Variants in MAGI2 observed in about 807,000 individuals in gnomAD.
MAGI2 encodes the protein membrane associated guanylate kinase, WW and PDZ domain containing 2, also known as membrane-associated guanylate kinase, WW and PDZ domain-containing protein 2.
In MAGI2, 35 loss-of-function variants were observed where a neutral mutation model predicts 133.3. The ratio of observed to expected loss-of-function variants is 0.26; its 90% CI spans 0.20 to 0.35. MAGI2 has a LOEUF of 0.35. MAGI2 is among the 10% of genes least tolerant of loss of function. The pLI is 1.00. For synonymous variants in MAGI2, 729 were observed against 710.6 expected (o/e 1.03, Z -0.41); for missense variants, 1,636 against 1,863.4 (o/e 0.88, Z 2.25).
chr7:78,044,705 GCAC>G (rs1563046354), intron 21 of MAGI2, among the ~76,000 whole-genome samples: 59 of 89,752 alleles, frequency 6.6e-4, no homozygotes, highest in African/African-American at 2.3e-3. Flanking sequence ...GTGTGTGTGT[GCAC>G]GTGTGCACAC....
chr7:78,130,350 G>T (rs1821438626), intron 18 of MAGI2, among the ~76,000 whole-genome samples: 1 of 152,118 alleles, frequency 6.6e-6, no homozygotes, highest in African/African-American at 2.4e-5. Flanking sequence ...CAAGCAGATT[G>T]TCATTTTATT....
chr7:79,058,100 AG>A (rs147810210), intron 1 of MAGI2, among the ~76,000 whole-genome samples: 4,503 of 152,036 alleles, frequency 0.03, 89 homozygotes, highest in Middle Eastern at 0.051. Flanking sequence ...AGTGGTGGAG[AG>A]GGGGGAAGAA....
At chr7:78,036,710 G>A (rs1810267626) in intron 21 of MAGI2, among the ~76,000 whole-genome samples, 1 of 151,984 alleles carries the variant, frequency 6.6e-6, no homozygotes, top group Non-Finnish European at 1.5e-5. Flanking sequence ...TCAATCTCCT[G>A]GGCTCAAGCA....
At chr7:78,945,769 G>T (rs1457119139) in intron 2 of MAGI2, among the ~76,000 whole-genome samples, 1 of 151,854 alleles carries the variant, frequency 6.6e-6, no homozygotes, top group East Asian at 1.9e-4. Context: ...CTACATCTTT[G>T]CACATACTGT....
intron 10 of MAGI2, among the ~76,000 whole-genome samples, chr7:78,221,446 T>C (rs7795679): frequency 0.14 from 21,750 of 152,126 alleles, 1,911 homozygotes; most frequent in East Asian, 0.32. Flanking sequence ...TAGACTAACT[T>C]TATTGTTTAG....
At chr7:78,740,421 G>A (rs972270710) in intron 2 of MAGI2, among the ~76,000 whole-genome samples, 3 of 152,174 alleles carry the variant, frequency 2.0e-5, no homozygotes, top group Non-Finnish European at 2.9e-5. Flanking sequence ...TAACAGAAAT[G>A]GGATGTGAGT....
At chr7:79,220,138 A>C (rs928876164) in intron 1 of MAGI2, among the ~76,000 whole-genome samples, 1 of 151,956 alleles carries the variant, frequency 6.6e-6, no homozygotes, top group Non-Finnish European at 1.5e-5. Flanking sequence ...CTAAACCAAC[A>C]TATTTACAGC....
chr7:79,280,031 T>A (rs868857146), intron 1 of MAGI2, among the ~76,000 whole-genome samples: 2 of 152,316 alleles, frequency 1.3e-5, no homozygotes, highest in Middle Eastern at 6.8e-3. Flanking sequence ...ATTTATTTTT[T>A]ATTTTTTTAG....
At chr7:79,277,405 A>G (rs1331827945) in intron 1 of MAGI2, among the ~76,000 whole-genome samples, 1 of 152,166 alleles carries the variant, frequency 6.6e-6, no homozygotes, top group African/African-American at 2.4e-5. Flanking sequence ...ACTTTTATAT[A>G]CACCGGGAAA....
chr7:78,751,191 C>G (rs1362556372), intron 2 of MAGI2, among the ~76,000 whole-genome samples: 1 of 152,174 alleles, frequency 6.6e-6, no homozygotes, highest in Admixed American at 6.5e-5. Context: ...ATTACGTCAA[C>G]TTTAATTTCA....
chr7:79,036,506 G>C (rs1431059721), intron 1 of MAGI2, among the ~76,000 whole-genome samples: 1 of 152,130 alleles, frequency 6.6e-6, no homozygotes, highest in East Asian at 1.9e-4. Flanking sequence ...AGTTGGCTGT[G>C]GATAAAGAGG....
intron 2 of MAGI2, among the ~76,000 whole-genome samples, chr7:78,674,731 C>T (rs1814801295): frequency 6.6e-6 from 1 of 151,960 alleles, no homozygotes; most frequent in South Asian, 2.1e-4. Context: ...AGATTATATG[C>T]AACTATTCAA....
chr7:78,784,308 A>G (rs79292863), intron 2 of MAGI2, among the ~76,000 whole-genome samples: 10,514 of 152,014 alleles, frequency 0.069, 533 homozygotes, highest in East Asian at 0.24. Context: ...AGAAGACCTC[A>G]GAAGCAGCCT....
intron 9 of MAGI2, among the ~76,000 whole-genome samples, chr7:78,283,462 C>T (rs755531049): frequency 1.3e-5 from 2 of 152,014 alleles, no homozygotes; most frequent in Admixed American, 6.6e-5. Flanking sequence ...CCTTTATTAA[C>T]CTGAATAAGT....
At chr7:79,438,997 T>C (rs1848326310) in intron 1 of MAGI2, among the ~76,000 whole-genome samples, 1 of 152,130 alleles carries the variant, frequency 6.6e-6, no homozygotes, top group Non-Finnish European at 1.5e-5. Flanking sequence ...AGGCCTTCCT[T>C]TATATGGCTC....
intron 3 of MAGI2, among the ~76,000 whole-genome samples, chr7:78,536,750 T>TG (rs1797974846): frequency 1.7e-5 from 2 of 117,252 alleles, no homozygotes; most frequent in Admixed American, 9.4e-5. Context: ...TTTTTTTGTT[T>TG]TTGTTGTTGT....
intron 1 of MAGI2, among the ~76,000 whole-genome samples, chr7:79,274,912 T>G (rs1248170101): frequency 6.6e-6 from 1 of 152,174 alleles, no homozygotes; most frequent in South Asian, 2.1e-4. Context: ...TGGGGCACCA[T>G]GAACCATGCC....
chr7:78,932,327 A>G (rs1393541313), intron 2 of MAGI2, among the ~76,000 whole-genome samples: 1 of 152,132 alleles, frequency 6.6e-6, no homozygotes, highest in Non-Finnish European at 1.5e-5. Flanking sequence ...AAAAAGAGGA[A>G]GCACTTATAT....
rs1176426138 is a variant in MAGI2, at chr7:79,416,725, C to CTTTTTTTTTTTTTTTTTTTTTTTTTTTTT, written c.301+36294_301+36295insAAAAAAAAAAAAAAAAAAAAAAAAAAAAA. Among the ~76,000 whole-genome samples the CTTTTTTTTTTTTTTTTTTTTTTTTTTTTT allele has an allele frequency of 5.0e-4, 51 of 102,458 alleles. 5 individuals carry two copies. Among genetic ancestry groups the CTTTTTTTTTTTTTTTTTTTTTTTTTTTTT allele is most frequent in the African/African-American group, 1.5e-3 (36 of 24,048 alleles). The allele number at this position is 102,458 out of a possible 152,430, so 67.2% of individuals were successfully genotyped here. A position where few individuals can be genotyped will look rare whatever the true frequency, so the allele number is the denominator to read the frequency against. Reference sequence around the variant, plus strand: ...TTCTTTTTTCTTTTCTTTTCTTTTTCTTTTTCTTTTTTTTTTTTTGAGGTG... The same window carrying CTTTTTTTTTTTTTTTTTTTTTTTTTTTTT: ...TTCTTTTTTCTTTTCTTTTCTTTTTCTTTTTTTTTTTTTTTTTTTTTTTTTTTTTTTTTTCTTTTTTTTTTTTTGAGGTG... On this transcript the variant is annotated intron_variant, in intron 1 of 21. Coordinates refer to ENST00000354212, the MANE Select transcript of MAGI2 (RefSeq NM_012301.4).
Sources: allele counts gnomAD v4.1 joint callset (sites outside exome capture counted in the v4.1 genomes callset), GRCh38; gene constraint gnomAD v4.1.1; transcripts MANE v1.5; gene names NCBI Gene and HGNC (gene_info 2026-07-23, HGNC 2026-07-21).